Variants in PTK2B observed in about 807,000 individuals in gnomAD.
PTK2B encodes protein tyrosine kinase 2 beta, also known as protein-tyrosine kinase 2-beta.
In PTK2B, 71 loss-of-function variants were observed where a neutral mutation model predicts 142.9. That is an observed-to-expected ratio of 0.50 (90% CI 0.41 to 0.61). The LOEUF (loss-of-function observed/expected upper bound fraction) is 0.61, where lower values mean the gene tolerates loss of function less well. Ranked by LOEUF, PTK2B falls within the 20% of genes least tolerant of loss-of-function variation. The pLI is 0.00. For missense variants in PTK2B, 1,105 were observed against 1,320.4 expected, an observed-to-expected ratio of 0.84 and a Z score of 2.53; for synonymous variants, 519 against 503.4, an observed-to-expected ratio of 1.03 and a Z score of -0.42.
chr8:27,438,327 A>C (rs949479542), intron 18 of PTK2B, among the ~76,000 whole-genome samples: 2 of 151,966 alleles, frequency 1.3e-5, no homozygotes, highest in African/African-American at 4.8e-5. Flanking sequence ...GCCAAATCCA[A>C]GTCTCCCTGT....
intron 2 of PTK2B, among the ~76,000 whole-genome samples, chr8:27,411,876 T>C (rs766673110): frequency 1.6e-4 from 25 of 152,304 alleles, no homozygotes; most frequent in African/African-American, 6.0e-4. Flanking sequence ...TTCTGACCAA[T>C]TGGCTACAAG....
chr8:27,419,389 C>G (rs1345998276), intron 2 of PTK2B, among the ~76,000 whole-genome samples: 1 of 152,210 alleles, frequency 6.6e-6, no homozygotes, highest in African/African-American at 2.4e-5. Context: ...AATCCCAGTT[C>G]CATTCCGTGG....
chr8:27,368,494 T>C (rs911595052), intron 1 of PTK2B, among the ~76,000 whole-genome samples: 1 of 152,228 alleles, frequency 6.6e-6, no homozygotes, highest in East Asian at 1.9e-4. Context: ...GTGGTAGGAA[T>C]TGAGTTCAAT....
At chr8:27,382,440 T>C (rs1021310194) in intron 1 of PTK2B, among the ~76,000 whole-genome samples, 8 of 152,328 alleles carry the variant, frequency 5.3e-5, no homozygotes, top group South Asian at 2.1e-4. Context: ...TCCTTTGCTG[T>C]GCAGAAGCTT....
intron 16 of PTK2B, 38 bp from the exon 17 acceptor site, chr8:27,437,358 G>T: frequency 6.3e-7 from 1 of 1,588,560 alleles, no homozygotes; most frequent in Non-Finnish European, 8.6e-7. Flanking sequence ...GGACCTTTGA[G>T]CCGCTCCACC....
At chr8:27,312,750 C>G (rs1803006715) in intron 2 of PTK2B, among the ~76,000 whole-genome samples, 1 of 152,096 alleles carries the variant, frequency 6.6e-6, no homozygotes, top group Non-Finnish European at 1.5e-5. Context: ...TTCCTAAAGC[C>G]AGTCTTGAAA....
At chr8:27,349,162 G>T (rs1190796400) in intron 1 of PTK2B, among the ~76,000 whole-genome samples, 2 of 152,198 alleles carry the variant, frequency 1.3e-5, no homozygotes, top group East Asian at 3.9e-4. Context: ...TTTCCAAGGT[G>T]TCATGTTGCA....
rs1023122317 is a variant in PTK2B at position 27,386,885 on chromosome 8, T to G, written c.-37-10663T>G. ...GTTAAAAAAAGTACCTGAGGTTTTTTTTTTTTTAATCACCTACTTTTTTTT... is the reference window on the plus strand; with the variant it reads ...GTTAAAAAAAGTACCTGAGGTTTTTGTTTTTTTAATCACCTACTTTTTTTT... On this transcript the variant is annotated intron_variant, in intron 1 of 30. Transcript: ENST00000346049. Among the ~76,000 whole-genome samples the G allele has an allele frequency of 3.3e-5, 5 of 152,284 alleles. No individual in the cohort carries two copies. In the Middle Eastern group the frequency reaches 0.01, roughly 311 times the overall value.
intron 1 of PTK2B, among the ~76,000 whole-genome samples, chr8:27,330,500 A>C (rs540751563): frequency 9.5e-4 from 145 of 152,304 alleles, no homozygotes; most frequent in African/African-American, 3.3e-3. Context: ...ACTGTCTACG[A>C]ATGCCCAGCC....
At chr8:27,398,012 G>A (rs1808169708) in intron 2 of PTK2B, among the ~76,000 whole-genome samples, 2 of 152,238 alleles carry the variant, frequency 1.3e-5, no homozygotes, top group African/African-American at 4.8e-5. Flanking sequence ...TGTAGCCTTT[G>A]CTTGAACCCC....
chr8:27,413,957 G>C (rs1809222900), intron 2 of PTK2B, among the ~76,000 whole-genome samples: 1 of 152,148 alleles, frequency 6.6e-6, no homozygotes, highest in Middle Eastern at 3.4e-3. Flanking sequence ...TATTTTATTT[G>C]GCAGGATGTA....
chr8:27,443,180 G>A (rs1188934885), intron 22 of PTK2B, among the ~76,000 whole-genome samples, 197 bp downstream of exon 22: 1 of 152,238 alleles, frequency 6.6e-6, no homozygotes, highest in African/African-American at 2.4e-5. Flanking sequence ...GCCACCTTGT[G>A]GGATAGCTGG....
At chr8:27,420,524 A>G (rs1684989129) in intron 3 of PTK2B, 133 bp from the exon 4 acceptor site, 6 of 814,978 alleles carry the variant, frequency 7.4e-6, no homozygotes, top group Non-Finnish European at 1.2e-5. Context: ...GCCCTGAATG[A>G]GTGGCCACGA....
rs1471990464 is a variant in PTK2B, at chr8:27,416,528, T to G, written c.205-3367T>G. Among the ~76,000 whole-genome samples, 3 of 58,180 alleles carry G rather than the reference T, an allele frequency of 5.2e-5. No homozygotes were observed. The East Asian group carries it at 1.0e-3, about 19-fold the overall frequency. 38.2% of individuals were successfully genotyped at this position (58,180 alleles called of 152,430 possible). ...ATCACAAAACTAAAAATTAAAACTG[T>G]GAAGTTTATAAAAGAAAACATAGAA... is the stretch of plus-strand genomic sequence containing the variant. On this transcript the variant is annotated intron_variant, in intron 2 of 30. Coordinates refer to ENST00000346049, the MANE Select transcript of PTK2B (RefSeq NM_173176.3).
At chr8:27,315,490 C>G (rs149243878) in intron 3 of PTK2B, among the ~76,000 whole-genome samples, 2,181 of 152,280 alleles carry the variant, frequency 0.014, 20 homozygotes, top group Non-Finnish European at 0.022. Context: ...TCCCCTCCCC[C>G]CAACGCAGAG....
At chr8:27,443,978 G>A (rs1190923540) in intron 22 of PTK2B, among the ~76,000 whole-genome samples, 4 of 152,218 alleles carry the variant, frequency 2.6e-5, no homozygotes, top group Admixed American at 2.6e-4. Flanking sequence ...CCTCCAATTA[G>A]CCATAGCCCC....
In PTK2B at chr8:27,436,300, T is replaced by C; in HGVS notation, c.1293T>C (p.Leu431=). The C allele has an allele frequency of 1.2e-6, 2 of 1,614,200 alleles. No homozygotes were observed. The highest frequency in any genetic ancestry group is 1.7e-6 in the Non-Finnish European group (2 of 1,180,034). Reference sequence around the variant, plus strand: ...AAGATGTGGTCCTGAATCGTATTCTTGGGGAAGGCTTTTTTGGGGAGGTCT... The same window carrying C: ...AAGATGTGGTCCTGAATCGTATTCTCGGGGAAGGCTTTTTTGGGGAGGTCT... ...AREDVVLNRI[L]GEGFFGEVYE... The change falls in exon 15 of 31, where the codon CTT becomes CTC. Residue 431 remains leucine (L), a synonymous_variant. Coordinates refer to ENST00000346049, the MANE Select transcript of PTK2B (RefSeq NM_173176.3).
intron 1 of PTK2B, among the ~76,000 whole-genome samples, chr8:27,361,404 G>A (rs1355727751): frequency 6.6e-6 from 1 of 151,982 alleles, no homozygotes; most frequent in Non-Finnish European, 1.5e-5. Flanking sequence ...TTTACTTTTT[G>A]TACAGATGGG....
chr8:27,368,655 G>A (rs942612368), intron 1 of PTK2B, among the ~76,000 whole-genome samples: 1 of 152,170 alleles, frequency 6.6e-6, no homozygotes, highest in African/African-American at 2.4e-5. Flanking sequence ...CAAACCCTCT[G>A]GTTCCATCCC....
Sources: gnomAD v4.1 joint callset for allele counts (sites outside exome capture counted in the v4.1 genomes callset) on GRCh38, gnomAD v4.1.1 for gene constraint, MANE v1.5 for transcripts, NCBI Gene and HGNC (gene_info 2026-07-23, HGNC 2026-07-21) for gene names.